Variants in TMTC2 observed in about 807,000 individuals in gnomAD.
TMTC2 encodes the protein transmembrane O-mannosyltransferase targeting cadherins 2.
TMTC2 carries 43 observed loss-of-function variants against 82.4 expected under a neutral mutation model. The ratio of observed to expected loss-of-function variants is 0.52; its 90% CI spans 0.41 to 0.67. TMTC2 has a LOEUF of 0.67. Ranked by LOEUF, TMTC2 falls within the 30% of genes least tolerant of loss-of-function variation. The probability of loss-of-function intolerance (pLI) is 0.00; values close to 1 mark genes in which losing one functional copy is unlikely to be tolerated. For missense variants in TMTC2, 919 were observed against 1,012.4 expected, an observed-to-expected ratio of 0.91 and a Z score of 1.25; for synonymous variants, 408 against 381.9, an observed-to-expected ratio of 1.07 and a Z score of -0.80.
At chr12:83,102,913 T>A (rs888872084) in intron 11 of TMTC2, among the ~76,000 whole-genome samples, 167 of 152,306 alleles carry the variant, frequency 1.1e-3, no homozygotes, top group African/African-American at 4.0e-3. Flanking sequence ...AAAATTTCAA[T>A]GATTTTTATA....
intron 1 of TMTC2, among the ~76,000 whole-genome samples, chr12:82,776,105 T>C (rs191035719): frequency 4.6e-5 from 7 of 152,266 alleles, no homozygotes; most frequent in Admixed American, 4.6e-4. Flanking sequence ...GTTATTGAGT[T>C]TCCAGTGTTA....
chr12:83,051,643 A>G (rs1252779800), intron 10 of TMTC2, among the ~76,000 whole-genome samples: 1 of 152,194 alleles, frequency 6.6e-6, no homozygotes, highest in Non-Finnish European at 1.5e-5. Context: ...TGGCATGTGG[A>G]TACATTTTAA....
intron 1 of TMTC2, among the ~76,000 whole-genome samples, chr12:82,754,681 G>C (rs1175883772): frequency 6.6e-6 from 1 of 152,118 alleles, no homozygotes; most frequent in Non-Finnish European, 1.5e-5. Context: ...AGTTTGCAGT[G>C]AGCTGATATT....
At chr12:82,975,897 TAAAA>T (rs3068096) in intron 7 of TMTC2, among the ~76,000 whole-genome samples, 1,588 of 151,588 alleles carry the variant, frequency 0.01, 24 homozygotes, top group African/African-American at 0.012. Flanking sequence ...AACTTTTTTT[TAAAA>T]AAAAAATAAT....
At chr12:82,719,115 A>T (rs1383995070) in intron 1 of TMTC2, among the ~76,000 whole-genome samples, 1 of 42,230 alleles carries the variant, frequency 2.4e-5, no homozygotes, top group Non-Finnish European at 4.0e-5. Context: ...TTTTTTTGAG[A>T]CGGAGTCTCG....
chr12:82,759,436 TTCTC>T lies in TMTC2; in HGVS notation c.83+71771_83+71774del, dbSNP rs565734958. The T allele has an allele frequency of 3.0e-3, 463 of 152,342 alleles. 1 individual carries two copies. Among genetic ancestry groups the T allele is most frequent in the African/African-American group, 0.011 (445 of 41,586 alleles). 9.4% of individuals were successfully genotyped at this position (152,342 alleles called of 1,614,324 possible). ...AATTACAAATTTTGAACAGTTTATT[TTCTC>T]TCTATGAAAAATTTCCAAGAATGAT... On this transcript the variant is annotated intron_variant, in intron 1 of 11. Coordinates refer to ENST00000321196, the MANE Select transcript of TMTC2 (RefSeq NM_152588.3).
chr12:83,032,726 T>C (rs970874024), intron 9 of TMTC2, among the ~76,000 whole-genome samples: 2 of 150,588 alleles, frequency 1.3e-5, no homozygotes, highest in African/African-American at 4.9e-5. Context: ...TTATTTTTTA[T>C]TTTTTTTTAT....
At chr12:82,765,396 C>T (rs533127910) in intron 1 of TMTC2, among the ~76,000 whole-genome samples, 3 of 152,172 alleles carry the variant, frequency 2.0e-5, no homozygotes, top group Middle Eastern at 6.8e-3. Context: ...CCTTGCTGGC[C>T]GGGCGCGGCA....
intron 2 of TMTC2, among the ~76,000 whole-genome samples, chr12:82,891,411 C>T (rs980350795): frequency 6.6e-6 from 1 of 152,100 alleles, no homozygotes; most frequent in African/African-American, 2.4e-5. Context: ...TGGGTTCAAG[C>T]GATTCTGCTG....
chr12:82,742,784 G>A (rs926846145), intron 1 of TMTC2, among the ~76,000 whole-genome samples: 86 of 152,020 alleles, frequency 5.7e-4, no homozygotes, highest in African/African-American at 2.1e-3. Flanking sequence ...TCAGCCGCCC[G>A]AAGTGCTGGG....
rs534417133 is a variant in TMTC2 at position 82,823,747 on chromosome 12, G to T, written c.84-33263G>T. On this transcript the variant is annotated intron_variant, in intron 1 of 11. Coordinates refer to ENST00000321196, the MANE Select transcript of TMTC2 (RefSeq NM_152588.3). ...AACCCTGTTCTTGAGAAAGGGAATGGATAGATATTATTTTATTCTTGTGTT... is the reference window on the plus strand; with the variant it reads ...AACCCTGTTCTTGAGAAAGGGAATGTATAGATATTATTTTATTCTTGTGTT... Among the ~76,000 whole-genome samples, 3 of 152,226 alleles carry T rather than the reference G, an allele frequency of 2.0e-5. No individual in the cohort carries two copies. In the East Asian group the frequency reaches 5.8e-4, roughly 29 times the overall value.
At chr12:83,063,141 G>C (rs1882801916) in intron 11 of TMTC2, among the ~76,000 whole-genome samples, 1 of 151,756 alleles carries the variant, frequency 6.6e-6, no homozygotes, top group African/African-American at 2.4e-5. Flanking sequence ...TGATCTCATG[G>C]TAATCAGTTG....
rs996811261 is a variant in TMTC2 at position 82,710,679 on chromosome 12, G to A, written c.83+23010G>A. On this transcript the variant is annotated intron_variant, in intron 1 of 11. Transcript: ENST00000321196. ...GAAAATGGGGTAAATATTTCTTGTC[G>A]AAGAGAAATCAAATATGGGTGAATC... Among the ~76,000 whole-genome samples, 9 of 152,262 alleles carry A rather than the reference G, an allele frequency of 5.9e-5. No homozygotes were observed. The South Asian group carries it at 1.2e-3, about 21-fold the overall frequency.
At chr12:83,011,897 T>C (rs1298670269) in intron 8 of TMTC2, among the ~76,000 whole-genome samples, 1 of 152,224 alleles carries the variant, frequency 6.6e-6, no homozygotes, top group African/African-American at 2.4e-5. Context: ...ATGTTCATTA[T>C]TGTTACTAGC....
chr12:82,921,229 A>G (rs577647870), intron 3 of TMTC2, among the ~76,000 whole-genome samples: 1 of 152,264 alleles, frequency 6.6e-6, no homozygotes, highest in Non-Finnish European at 1.5e-5. Context: ...TTCAAACTCA[A>G]TATTGAGAGG....
At chr12:82,734,927 A>G (rs866652496) in intron 1 of TMTC2, among the ~76,000 whole-genome samples, 4 of 152,232 alleles carry the variant, frequency 2.6e-5, no homozygotes, top group Non-Finnish European at 5.9e-5. Context: ...AATAATAATG[A>G]AAGGGTCTAA....
At chr12:83,017,892 T>C in intron 8 of TMTC2, among the ~76,000 whole-genome samples, 1 of 151,594 alleles carries the variant, frequency 6.6e-6, no homozygotes, top group East Asian at 1.9e-4. Flanking sequence ...GGACTAGAAC[T>C]TAGGTTTCAG....
At chr12:82,991,202 A>T (rs1693516547) in intron 8 of TMTC2, among the ~76,000 whole-genome samples, 1 of 151,994 alleles carries the variant, frequency 6.6e-6, no homozygotes, top group South Asian at 2.1e-4. Context: ...AACTGCCATT[A>T]ATTTTCTGTC....
At position 82,892,392 on chromosome 12, in the gene TMTC2, T is replaced by C. The variant is rs539602826; in HGVS notation, c.655-3426T>C. Among the ~76,000 whole-genome samples the C allele has an allele frequency of 5.3e-5, 8 of 152,318 alleles. No individual in the cohort carries two copies. In the South Asian group the frequency reaches 1.7e-3, roughly 32 times the overall value. On this transcript the variant is annotated intron_variant, in intron 2 of 11. Transcript: ENST00000321196. ...TAGCCCATTGTATTTAAATTTTCTT[T>C]TTAGCATAATAAATGCAATAATATG... is the stretch of plus-strand genomic sequence containing the variant.
Sources: gnomAD v4.1 joint callset for allele counts (sites outside exome capture counted in the v4.1 genomes callset) on GRCh38, gnomAD v4.1.1 for gene constraint, MANE v1.5 for transcripts, NCBI Gene and HGNC (gene_info 2026-07-23, HGNC 2026-07-21) for gene names.